Variants in SPAG9 observed in about 807,000 individuals in gnomAD.
SPAG9 encodes sperm associated antigen 9, also known as C-Jun-amino-terminal kinase-interacting protein 4.
A neutral mutation model predicts 166.5 loss-of-function variants in SPAG9; 35 were observed. The observed-to-expected ratio is 0.21, with a 90% CI of 0.16 to 0.28. SPAG9 has a LOEUF of 0.28. SPAG9 is among the 10% of genes least tolerant of loss of function. The probability of loss-of-function intolerance (pLI) is 1.00; values close to 1 mark genes in which losing one functional copy is unlikely to be tolerated. For synonymous variants in SPAG9, 534 were observed against 565.5 expected (o/e 0.94, Z 0.79); for missense variants, 1,235 against 1,603.3 (o/e 0.77, Z 3.92).
chr17:51,116,070 T>G (rs2049280116), intron 1 of SPAG9, among the ~76,000 whole-genome samples: 1 of 151,718 alleles, frequency 6.6e-6, no homozygotes, highest in African/African-American at 2.4e-5. Flanking sequence ...TTTTGAGAGG[T>G]AGTCTCACTC....
intron 21 of SPAG9, among the ~76,000 whole-genome samples, chr17:50,988,312 G>C (rs1975241151): frequency 6.6e-6 from 1 of 152,086 alleles, no homozygotes; most frequent in Non-Finnish European, 1.5e-5. Flanking sequence ...TTGAGCAGTA[G>C]GATATGAATA....
At chr17:51,069,311 C>G (rs1470462694) in intron 2 of SPAG9, among the ~76,000 whole-genome samples, 1 of 151,876 alleles carries the variant, frequency 6.6e-6, no homozygotes, top group Non-Finnish European at 1.5e-5. Context: ...GAAAAAGTGT[C>G]CTATTACAGT....
intron 2 of SPAG9, among the ~76,000 whole-genome samples, chr17:51,061,280 A>G (rs1479560757): frequency 3.9e-5 from 6 of 152,132 alleles, no homozygotes; most frequent in Admixed American, 3.9e-4. Context: ...TTCCTAATCA[A>G]TTTGTTTGCA....
In SPAG9 at chr17:51,059,004, A is replaced by C. The variant is rs148126201; in HGVS notation, c.425-2522T>G. Among the ~76,000 whole-genome samples, 202 of 152,358 alleles carry C rather than the reference A, an allele frequency of 1.3e-3. 1 individual carries two copies. Among genetic ancestry groups the C allele is most frequent in the African/African-American group, 4.6e-3 (192 of 41,588 alleles). ...AGAAGCACAATCTGAAAACAATCCA[A>C]CTGTCCATCAAGAGTAGAATGGATA... On this transcript the variant is annotated intron_variant, in intron 2 of 29. Transcript: ENST00000262013.
intron 26 of SPAG9, 114 bp downstream of exon 26, chr17:50,979,632 G>C: frequency 1.0e-6 from 1 of 977,446 alleles, no homozygotes; most frequent in Admixed American, 2.1e-5. Flanking sequence ...CCTGTGCATA[G>C]CCACTGCACT....
chr17:51,049,357 AC>A (rs1201483040), intron 3 of SPAG9, among the ~76,000 whole-genome samples: 1 of 149,574 alleles, frequency 6.7e-6, no homozygotes, highest in Non-Finnish European at 1.5e-5. Context: ...ACAGAATGAG[AC>A]CCCTCAAAAA....
chr17:50,989,928 C>T, intron 20 of SPAG9, 56 bp from the exon 21 acceptor site: 1 of 1,448,508 alleles, frequency 6.9e-7, no homozygotes, highest in East Asian at 2.3e-5. Context: ...CCAATTATTT[C>T]CCCACACAAA....
intron 5 of SPAG9, among the ~76,000 whole-genome samples, chr17:51,036,399 C>G (rs2144341670): frequency 6.6e-6 from 1 of 152,286 alleles, no homozygotes; most frequent in South Asian, 2.1e-4. Flanking sequence ...CCAGCTGACC[C>G]TGCTGACATC....
At chr17:51,040,135 G>A (rs1448091158) in intron 5 of SPAG9, among the ~76,000 whole-genome samples, 1 of 151,768 alleles carries the variant, frequency 6.6e-6, no homozygotes, top group African/African-American at 2.4e-5. Flanking sequence ...TTGGGAAGCT[G>A]AGACAGGAGA....
intron 19 of SPAG9, among the ~76,000 whole-genome samples, chr17:50,993,315 CA>C (rs71149333): frequency 0.38 from 30,477 of 80,260 alleles, 2,332 homozygotes; most frequent in East Asian, 0.42. Context: ...GACTCTGTCT[CA>C]AAAAAAAAAA....
At chr17:51,112,864 G>C (rs1253172602) in intron 1 of SPAG9, among the ~76,000 whole-genome samples, 1 of 148,668 alleles carries the variant, frequency 6.7e-6, no homozygotes, top group East Asian at 2.0e-4. Context: ...AGTCACAGCT[G>C]CTCAGAGGCT....
chr17:51,057,801 T>A (rs1249263451), intron 2 of SPAG9, among the ~76,000 whole-genome samples: 1 of 152,202 alleles, frequency 6.6e-6, no homozygotes, highest in Non-Finnish European at 1.5e-5. Flanking sequence ...GTTGAATACA[T>A]CTGCTGCTCA....
rs1377926026 is a variant in SPAG9 at position 51,001,627 on chromosome 17, T to TA, written c.1607+87dup. ...TAAACAGAGAAAGGGGCTTGGATCT[T>TA]ACAGGGCAGGACTTAAGTTCCACAT... On this transcript the variant is annotated intron_variant, in intron 13 of 29. Coordinates refer to ENST00000262013, the MANE Select transcript of SPAG9 (RefSeq NM_001130528.3). The TA allele has an allele frequency of 3.0e-6, 4 of 1,317,646 alleles. No individual in the cohort carries two copies. The Admixed American group carries it at 9.9e-5, about 33-fold the overall frequency. 81.6% of individuals were successfully genotyped at this position (1,317,646 alleles called of 1,614,324 possible). A position where few individuals can be genotyped will look rare whatever the true frequency, so the allele number is the denominator to read the frequency against.
intron 20 of SPAG9, 61 bp downstream of exon 20, chr17:50,990,389 T>A (rs1223268847): frequency 8.4e-7 from 1 of 1,190,428 alleles, no homozygotes; most frequent in Non-Finnish European, 1.3e-6. Context: ...AAGTCCATAA[T>A]GAGGCATCTG....
Position 50,964,945 on chromosome 17 carries a change from G to A in SPAG9, c.*1327C>T, listed in dbSNP as rs1311022448. The stretch of plus-strand genomic sequence containing the variant: ...TTTATTTTGTTTTTTTTTTTTGGTA[G>A]AGACAGGGTTTCGCCATGTTGCCCA... On this transcript the variant is annotated 3_prime_UTR_variant, in exon 30 of 30. Coordinates refer to ENST00000262013, the MANE Select transcript of SPAG9 (RefSeq NM_001130528.3). The A allele has an allele frequency of 5.3e-6, 1 of 187,308 alleles. No individual in the cohort carries two copies. Among genetic ancestry groups the A allele is most frequent in the Non-Finnish European group, 1.2e-5 (1 of 86,828 alleles). The allele number at this position is 187,308 out of a possible 1,614,324, so 11.6% of individuals were successfully genotyped here.
intron 5 of SPAG9, among the ~76,000 whole-genome samples, chr17:51,037,674 T>TTAA (rs1354429301): frequency 1.0e-5 from 1 of 98,144 alleles, no homozygotes; most frequent in Non-Finnish European, 2.4e-5. Flanking sequence ...TTTATATATA[T>TTAA]ATATATATAT....
chr17:51,034,032 T>G (rs1485832109), intron 5 of SPAG9, among the ~76,000 whole-genome samples: 1 of 152,192 alleles, frequency 6.6e-6, no homozygotes, highest in African/African-American at 2.4e-5. Context: ...AATAGAATCT[T>G]TACCCTTTTT....
chr17:51,091,092 A>T (rs1451111321), intron 1 of SPAG9, among the ~76,000 whole-genome samples: 2 of 151,442 alleles, frequency 1.3e-5, no homozygotes, highest in African/African-American at 4.9e-5. Flanking sequence ...CTCTGTCTCC[A>T]CGAAACCCTG....
chr17:51,069,980 C>T (rs1346983020), intron 2 of SPAG9, among the ~76,000 whole-genome samples: 1 of 151,744 alleles, frequency 6.6e-6, no homozygotes, highest in Non-Finnish European at 1.5e-5. Context: ...ATCACAGCCA[C>T]GGGTGCAGTG....
Sources: gnomAD v4.1 joint callset for allele counts (sites outside exome capture counted in the v4.1 genomes callset) on GRCh38, gnomAD v4.1.1 for gene constraint, MANE v1.5 for transcripts, NCBI Gene and HGNC (gene_info 2026-07-23, HGNC 2026-07-21) for gene names.